Variants in NRG4 observed in about 807,000 individuals in gnomAD.
NRG4 encodes neuregulin 4.
Under a neutral mutation model 15.0 loss-of-function variants are expected in NRG4, and 10 were observed. The observed-to-expected ratio is 0.67, with a 90% confidence interval of 0.41 to 1.13. The LOEUF is 1.13. NRG4 is among the 50% of genes most tolerant of loss of function. The pLI is 0.00. For synonymous variants in NRG4, 41 were observed against 50.1 expected, an observed-to-expected ratio of 0.82 and a Z score of 0.77; for missense variants, 139 against 140.2, an observed-to-expected ratio of 0.99 and a Z score of 0.04.
At chr15:75,958,788 A>G (rs1220230982) in intron 4 of NRG4, among the ~76,000 whole-genome samples, 3 of 152,136 alleles carry the variant, frequency 2.0e-5, no homozygotes, top group Admixed American at 2.0e-4. Flanking sequence ...CAGACTAGAA[A>G]TATTTCTAAG....
intron 3 of NRG4, among the ~76,000 whole-genome samples, chr15:75,989,342 C>T (rs1045694825): frequency 6.6e-6 from 1 of 152,048 alleles, no homozygotes; most frequent in Non-Finnish European, 1.5e-5. Flanking sequence ...TGTAGCGTGG[C>T]CTACCGATGA....
chr15:76,015,493 CT>C (rs1368088956), upstream of NRG4, among the ~76,000 whole-genome samples: 4 of 152,108 alleles, frequency 2.6e-5, no homozygotes, highest in Non-Finnish European at 5.9e-5. Context: ...ATAAATAGCT[CT>C]TATGATTTTT....
Position 76,051,823 on chromosome 15 carries a change from A to G in NRG4, c.-105+244T>C, listed in dbSNP as rs376743908. 1.4e-3 allele frequency among the ~76,000 whole-genome samples: 210 copies of G among 149,480 alleles called. 1 individual carries two copies. Among genetic ancestry groups the G allele is most frequent in the East Asian group, 6.5e-3 (33 of 5,090 alleles). ...CCTGACCTTGTGATCCGCCCACCTC[A>G]GCCTCCCAAAGTGCTAGGATTACAG... On this transcript the variant is annotated intron_variant, in intron 4 of 8. Coordinates refer to the NRG4 transcript ENST00000563910.
upstream of NRG4, among the ~76,000 whole-genome samples, chr15:76,013,097 T>C (rs545105121): frequency 2.4e-4 from 37 of 152,376 alleles, no homozygotes; most frequent in African/African-American, 8.4e-4. Flanking sequence ...ATTTAGATGG[T>C]TATCTTTTCT....
chr15:75,956,709 T>A (rs775659471), intron 4 of NRG4, among the ~76,000 whole-genome samples: 3 of 152,166 alleles, frequency 2.0e-5, no homozygotes, highest in Admixed American at 1.3e-4. Context: ...ATTAGTGGGG[T>A]ATCATTTTGG....
At chr15:76,015,261 T>C (rs1305082681), upstream of NRG4, among the ~76,000 whole-genome samples, 1 of 152,240 alleles carries the variant, frequency 6.6e-6, no homozygotes, top group African/African-American at 2.4e-5. Context: ...TGGGGTTTTC[T>C]AAATATACAA....
chr15:75,954,552 C>T lies in NRG4; in HGVS notation c.331+1380G>A, dbSNP rs2032113783. ...TCAAGCTATTCTCCTGCCTCAGCCT[C>T]CCGAGTAGCTGGGATTACAGGCACC... On this transcript the variant is annotated intron_variant, in intron 5 of 5. Coordinates refer to ENST00000394907, the MANE Select transcript of NRG4 (RefSeq NM_138573.4). Among the ~76,000 whole-genome samples, 3 of 151,722 alleles carry T rather than the reference C, an allele frequency of 2.0e-5. No homozygotes were observed. The South Asian group carries it at 6.3e-4, about 32-fold the overall frequency.
intron 3 of NRG4, among the ~76,000 whole-genome samples, chr15:75,999,474 G>A (rs745335680): frequency 2.2e-4 from 33 of 152,076 alleles, no homozygotes; most frequent in Non-Finnish European, 4.4e-4. Context: ...CATAGTGTTC[G>A]GCCCTTTTTT....
rs113049111 is a variant in NRG4, at chr15:76,051,880, A to G, written c.-105+187T>C. ...GCCACCGTGCCCAGCCTAATTGAAC[A>G]TACTTCTATACATACAGTCTTCTCA... On this transcript the variant is annotated intron_variant, in intron 4 of 8. Coordinates refer to the NRG4 transcript ENST00000563910. Among the ~76,000 whole-genome samples, 300 of 151,048 alleles carry G rather than the reference A, an allele frequency of 2.0e-3. 4 individuals carry two copies. The highest frequency in any genetic ancestry group is 6.8e-3 in the Middle Eastern group (2 of 292).
intron 3 of NRG4, among the ~76,000 whole-genome samples, chr15:75,981,946 G>A (rs2033625284): frequency 6.6e-6 from 1 of 151,276 alleles, no homozygotes; most frequent in Non-Finnish European, 1.5e-5. Flanking sequence ...CACCCCCAAA[G>A]AAACAGAAAA....
intron 4 of NRG4, among the ~76,000 whole-genome samples, chr15:76,036,739 T>C (rs1317545508): frequency 6.6e-6 from 1 of 152,182 alleles, no homozygotes; most frequent in African/African-American, 2.4e-5. Context: ...TTATCATCAC[T>C]CTTAATTGGG....
chr15:76,001,517 T>A (rs2034416526), intron 3 of NRG4, among the ~76,000 whole-genome samples: 2 of 152,220 alleles, frequency 1.3e-5, no homozygotes, highest in Non-Finnish European at 2.9e-5. Flanking sequence ...ACATTTCAAG[T>A]GCTCAGTAGC....
intron 2 of NRG4, among the ~76,000 whole-genome samples, chr15:76,010,832 T>A (rs2034783966): frequency 6.6e-6 from 1 of 152,128 alleles, no homozygotes; most frequent in African/African-American, 2.4e-5. Flanking sequence ...TTGTTTTAAT[T>A]GGATTATAGT....
intron 3 of NRG4, among the ~76,000 whole-genome samples, chr15:76,001,630 A>G (rs11072566): frequency 0.46 from 69,168 of 151,912 alleles, 16,618 homozygotes; most frequent in South Asian, 0.7. Flanking sequence ...TATATTAAGA[A>G]CTATTCTACT....
chr15:75,941,331 AATATAGTGGTATGCAGCTG>A lies in NRG4; in HGVS notation c.*2288_*2306del, dbSNP rs2030933617. ...AATTGGAACTCTTATTACTGATGGA[AATATAGTGGTATGCAGCTG>A]CTGTAGAAAACAGTATGGTGATTTT... On this transcript the variant is annotated 3_prime_UTR_variant, in exon 6 of 6. Transcript: ENST00000394907. 1 of 152,196 alleles carries A rather than the reference AATATAGTGGTATGCAGCTG, an allele frequency of 6.6e-6. No homozygotes were observed. The highest frequency in any genetic ancestry group is 1.5e-5 in the Non-Finnish European group (1 of 67,994). The allele number at this position is 152,196 out of a possible 1,614,324, so 9.4% of individuals were successfully genotyped here. A position where few individuals can be genotyped will look rare whatever the true frequency, so the allele number is the denominator to read the frequency against.
In NRG4 at chr15:75,971,213, A is replaced by G. The variant is rs1044417638; in HGVS notation, c.105-9239T>C. ...AATTCTCCTTTAAGCCAGTTGTGACATCTATTGGTTCCCTCATTAATCAGT... is the reference window on the plus strand; with the variant it reads ...AATTCTCCTTTAAGCCAGTTGTGACGTCTATTGGTTCCCTCATTAATCAGT... On this transcript the variant is annotated intron_variant, in intron 3 of 5. Coordinates refer to ENST00000394907, the MANE Select transcript of NRG4 (RefSeq NM_138573.4). 1.8e-5 allele frequency: 8 copies of G among 455,508 alleles called. No individual in the cohort carries two copies. The Admixed American group carries it at 1.9e-4, about 11-fold the overall frequency. The allele number at this position is 455,508 out of a possible 1,614,324, so 28.2% of individuals were successfully genotyped here. A position where few individuals can be genotyped will look rare whatever the true frequency, so the allele number is the denominator to read the frequency against.
At chr15:75,997,420 G>A (rs1203353713) in intron 3 of NRG4, among the ~76,000 whole-genome samples, 1 of 151,622 alleles carries the variant, frequency 6.6e-6, no homozygotes, top group Admixed American at 6.6e-5. Context: ...AAATTCACTC[G>A]AGAAACATTT....
At chr15:75,981,287 A>T (rs1263220345) in intron 3 of NRG4, among the ~76,000 whole-genome samples, 1 of 152,162 alleles carries the variant, frequency 6.6e-6, no homozygotes, top group Non-Finnish European at 1.5e-5. Flanking sequence ...ACCTGAATCT[A>T]CTTTAAATGT....
intron 3 of NRG4, among the ~76,000 whole-genome samples, chr15:75,965,133 G>A (rs1044903270): frequency 2.6e-5 from 4 of 152,054 alleles, no homozygotes; most frequent in African/African-American, 7.2e-5. Flanking sequence ...GCTGAGGCAG[G>A]AGAATGGCGT....
Sources: allele counts gnomAD v4.1 joint callset (sites outside exome capture counted in the v4.1 genomes callset), GRCh38; gene constraint gnomAD v4.1.1; transcripts MANE v1.5; gene names NCBI Gene and HGNC (gene_info 2026-07-23, HGNC 2026-07-21).